Variants in TPD52 observed in about 807,000 individuals in gnomAD.
TPD52 encodes tumor protein D52, also known as prostate and colon associated protein.
In TPD52, 17 loss-of-function variants were observed where a neutral mutation model predicts 31.3. The observed-to-expected ratio is 0.54, with a 90% CI of 0.37 to 0.82. The LOEUF (loss-of-function observed/expected upper bound fraction) is 0.82, where lower values mean the gene tolerates loss of function less well. Among genes scored for constraint, TPD52 ranks in the 40% least tolerant of loss-of-function variants. The pLI, the probability that TPD52 is intolerant of heterozygous loss-of-function variation, is 0.00. For missense variants in TPD52, 212 were observed against 240.1 expected (o/e 0.88, Z 0.77); for synonymous variants, 83 against 89.6 (o/e 0.93, Z 0.42).
chr8:80,164,094 G>A (rs1166813506), intron 1 of TPD52, among the ~76,000 whole-genome samples: 4 of 149,682 alleles, frequency 2.7e-5, no homozygotes, highest in African/African-American at 9.9e-5. Context: ...GGAGAGAGAA[G>A]GAGAAAAAGA....
chr8:80,150,766 C>T (rs113729951), intron 1 of TPD52, among the ~76,000 whole-genome samples: 2,008 of 152,276 alleles, frequency 0.013, 42 homozygotes, highest in African/African-American at 0.046. Flanking sequence ...AATGCCTGTA[C>T]CTTCATTGTA....
intron 1 of TPD52, among the ~76,000 whole-genome samples, chr8:80,087,968 A>C (rs551359727): frequency 6.6e-6 from 1 of 152,332 alleles, no homozygotes; most frequent in East Asian, 1.9e-4. Context: ...TATTTACAAA[A>C]TTTCTCAGCT....
chr8:80,065,281 C>A (rs1222025312), intron 1 of TPD52, among the ~76,000 whole-genome samples: 3 of 126,400 alleles, frequency 2.4e-5, no homozygotes, highest in Non-Finnish European at 3.3e-5. Flanking sequence ...ATATCTATAT[C>A]TATATATCTA....
intron 1 of TPD52, among the ~76,000 whole-genome samples, chr8:80,086,254 G>A (rs1326328993): frequency 1.3e-5 from 2 of 151,466 alleles, no homozygotes; most frequent in Non-Finnish European, 2.9e-5. Context: ...GAGTAGCTGG[G>A]ACTACAAGCG....
intron 1 of TPD52, among the ~76,000 whole-genome samples, chr8:80,147,109 A>C (rs1810248885): frequency 6.6e-6 from 1 of 152,138 alleles, no homozygotes; most frequent in Non-Finnish European, 1.5e-5. Flanking sequence ...CATAAAAATC[A>C]CTAAGAAAAG....
intron 1 of TPD52, among the ~76,000 whole-genome samples, chr8:80,149,074 A>G (rs1017839650): frequency 7.2e-5 from 11 of 152,146 alleles, no homozygotes; most frequent in Non-Finnish European, 1.2e-4. Flanking sequence ...AAACAAAACC[A>G]AACAAAAAAA....
At chr8:80,050,734 A>G (rs1001760053) in intron 4 of TPD52, among the ~76,000 whole-genome samples, 1 of 152,240 alleles carries the variant, frequency 6.6e-6, no homozygotes, top group Non-Finnish European at 1.5e-5. Flanking sequence ...GGTGTAAAGT[A>G]TAACACATAA....
intron 1 of TPD52, among the ~76,000 whole-genome samples, chr8:80,163,464 G>A (rs1013766931): frequency 6.6e-6 from 1 of 152,176 alleles, no homozygotes; most frequent in Non-Finnish European, 1.5e-5. Context: ...GTAGGGGATG[G>A]AGGAATGGGG....
At chr8:80,081,946 G>A (rs1815334796) in intron 1 of TPD52, among the ~76,000 whole-genome samples, 1 of 152,090 alleles carries the variant, frequency 6.6e-6, no homozygotes, top group South Asian at 2.1e-4. Flanking sequence ...TGGGATTACA[G>A]GCACCCACCA....
chr8:80,089,546 C>G (rs570649511), intron 1 of TPD52, among the ~76,000 whole-genome samples: 170 of 151,392 alleles, frequency 1.1e-3, no homozygotes, highest in Non-Finnish European at 2.0e-3. Context: ...ACCCAGAGAT[C>G]GTCAAAAAAA....
chr8:80,144,353 A>C (rs1398477002), intron 1 of TPD52, among the ~76,000 whole-genome samples: 1 of 152,214 alleles, frequency 6.6e-6, no homozygotes, highest in Non-Finnish European at 1.5e-5. Context: ...TGAACAATTA[A>C]AAATGTTACA....
At chr8:80,140,950 CGTGTGTGTGTGTGTGTGT>C (rs142097159) in intron 1 of TPD52, among the ~76,000 whole-genome samples, 1 of 143,676 alleles carries the variant, frequency 7.0e-6, no homozygotes, top group East Asian at 2.1e-4. Context: ...CAATACAACT[CGTGTGTGTGTGTGTGTGT>C]GTGTGTGTGT....
intron 1 of TPD52, among the ~76,000 whole-genome samples, chr8:80,108,212 T>C (rs1247057960): frequency 2.6e-5 from 4 of 152,200 alleles, no homozygotes; most frequent in African/African-American, 9.7e-5. Context: ...TGGAGTGGCA[T>C]TTCCTGAACT....
chr8:80,046,630 TACC>T (rs1239879205), intron 5 of TPD52, among the ~76,000 whole-genome samples: 1 of 152,192 alleles, frequency 6.6e-6, no homozygotes, highest in Non-Finnish European at 1.5e-5. Flanking sequence ...AAGAATCGGT[TACC>T]ATCTATAAGG....
chr8:80,067,615 G>A (rs1454816994), intron 1 of TPD52, among the ~76,000 whole-genome samples: 1 of 152,064 alleles, frequency 6.6e-6, no homozygotes, highest in East Asian at 1.9e-4. Context: ...AACTTGCCCA[G>A]GTTAACACAC....
At chr8:80,059,132 C>G (rs1812218544) in intron 2 of TPD52, among the ~76,000 whole-genome samples, 1 of 152,076 alleles carries the variant, frequency 6.6e-6, no homozygotes, top group Non-Finnish European at 1.5e-5. Context: ...CACCATGAAA[C>G]TGGAAATCAA....
chr8:80,139,877 T>C (rs1000149959), intron 1 of TPD52, among the ~76,000 whole-genome samples: 1 of 152,224 alleles, frequency 6.6e-6, no homozygotes, highest in East Asian at 1.9e-4. Context: ...GATGCCTGAC[T>C]CCCAGTCACC....
chr8:80,120,144 C>T (rs944906726), intron 1 of TPD52, among the ~76,000 whole-genome samples: 6 of 152,010 alleles, frequency 3.9e-5, no homozygotes, highest in African/African-American at 1.4e-4. Flanking sequence ...TATAAGGATT[C>T]AGTAGATGGT....
intron 2 of TPD52, among the ~76,000 whole-genome samples, chr8:80,057,792 C>T (rs559073597): frequency 1.3e-5 from 2 of 151,816 alleles, no homozygotes; most frequent in African/African-American, 4.8e-5. Flanking sequence ...GCACATGTAC[C>T]CCCTGAATCT....
Sources: allele counts gnomAD v4.1 joint callset (sites outside exome capture counted in the v4.1 genomes callset), GRCh38; gene constraint gnomAD v4.1.1; transcripts MANE v1.5; gene names NCBI Gene and HGNC (gene_info 2026-07-23, HGNC 2026-07-21).